The following KCTD16 variants were observed in gnomAD, a reference collection of about 807,000 sequenced individuals.
The protein encoded by KCTD16 is BTB/POZ domain-containing protein KCTD16.
KCTD16 carries 13 observed loss-of-function variants against 33.2 expected under a neutral mutation model. The ratio of observed to expected loss-of-function variants is 0.39; its 90% CI spans 0.25 to 0.62. The LOEUF is 0.62. KCTD16 is among the 20% of genes least tolerant of loss of function. The pLI, the probability that KCTD16 is intolerant of heterozygous loss-of-function variation, is 0.50. For synonymous variants in KCTD16, 197 were observed against 195.3 expected, an observed-to-expected ratio of 1.01 and a Z score of -0.07; for missense variants, 441 against 525.1, an observed-to-expected ratio of 0.84 and a Z score of 1.57.
intron 3 of KCTD16, among the ~76,000 whole-genome samples, chr5:144,379,292 A>G (rs977111602): frequency 3.9e-5 from 6 of 152,188 alleles, no homozygotes; most frequent in Admixed American, 2.0e-4. Flanking sequence ...CTGTGTTTAC[A>G]CATTGGGTTA....
intron 2 of KCTD16, among the ~76,000 whole-genome samples, chr5:144,176,315 CAAAG>C (rs1391628435): frequency 1.4e-5 from 2 of 143,832 alleles, no homozygotes. Flanking sequence ...TATTTATTGG[CAAAG>C]AAAGAAAAAG....
At chr5:144,374,167 C>T (rs1363694321) in intron 3 of KCTD16, among the ~76,000 whole-genome samples, 5 of 152,126 alleles carry the variant, frequency 3.3e-5, no homozygotes, top group African/African-American at 9.7e-5. Context: ...AGAATTTGGA[C>T]GTCTTTGTGG....
chr5:144,265,445 C>T (rs889117162), intron 3 of KCTD16, among the ~76,000 whole-genome samples: 8 of 152,136 alleles, frequency 5.3e-5, no homozygotes, highest in Admixed American at 6.5e-5. Context: ...TGGAATAATA[C>T]GATCTCCTTG....
At chr5:144,200,598 G>A (rs1753025628) in intron 2 of KCTD16, among the ~76,000 whole-genome samples, 1 of 152,198 alleles carries the variant, frequency 6.6e-6, no homozygotes, top group Non-Finnish European at 1.5e-5. Context: ...AGGGGAGATG[G>A]TTTCATTTTA....
intron 3 of KCTD16, among the ~76,000 whole-genome samples, chr5:144,388,601 G>A (rs1173385350): frequency 6.6e-6 from 1 of 152,098 alleles, no homozygotes; most frequent in Admixed American, 6.5e-5. Flanking sequence ...TGTAATTTAT[G>A]CAGTCTTGGC....
intron 3 of KCTD16, among the ~76,000 whole-genome samples, chr5:144,387,293 A>C (rs1044156187): frequency 6.6e-6 from 1 of 152,086 alleles, no homozygotes; most frequent in Non-Finnish European, 1.5e-5. Context: ...ACTTTCATGT[A>C]TAGTGTCTTT....
chr5:144,189,113 A>G (rs770613570), intron 2 of KCTD16, among the ~76,000 whole-genome samples: 1 of 152,186 alleles, frequency 6.6e-6, no homozygotes, highest in Non-Finnish European at 1.5e-5. Flanking sequence ...ACTTAAATCT[A>G]CTGGAGTAGC....
intron 3 of KCTD16, among the ~76,000 whole-genome samples, chr5:144,209,838 AT>A (rs1753314882): frequency 6.8e-6 from 1 of 146,478 alleles, no homozygotes; most frequent in South Asian, 2.1e-4. Context: ...ATATATATAT[AT>A]TTATATGTGT....
intron 3 of KCTD16, among the ~76,000 whole-genome samples, chr5:144,449,340 A>C (rs556681228): frequency 2.0e-5 from 3 of 152,030 alleles, no homozygotes; most frequent in Non-Finnish European, 4.4e-5. Flanking sequence ...AGCTGTCTAC[A>C]GATTCAATAC....
chr5:144,444,308 G>T (rs73299625), intron 3 of KCTD16, among the ~76,000 whole-genome samples: 12,430 of 150,662 alleles, frequency 0.083, 1,689 homozygotes, highest in African/African-American at 0.28. Flanking sequence ...CTATATTACA[G>T]TTGGGTTCCT....
chr5:144,179,935 A>G (rs1318793096), intron 2 of KCTD16, among the ~76,000 whole-genome samples: 1 of 152,238 alleles, frequency 6.6e-6, no homozygotes, highest in African/African-American at 2.4e-5. Flanking sequence ...TAAGCTTGAC[A>G]TAGTTCTACT....
At chr5:144,243,706 C>A (rs1263809449) in intron 3 of KCTD16, among the ~76,000 whole-genome samples, 1 of 152,040 alleles carries the variant, frequency 6.6e-6, no homozygotes, top group East Asian at 1.9e-4. Flanking sequence ...GTCCAGATGA[C>A]TTGAAGAACT....
chr5:144,358,761 A>G (rs148149593), intron 3 of KCTD16, among the ~76,000 whole-genome samples: 3 of 152,322 alleles, frequency 2.0e-5, no homozygotes, highest in South Asian at 2.1e-4. Flanking sequence ...TGACTGGTTC[A>G]TAGAAGGCTG....
chr5:144,273,630 G>A (rs1755361853), intron 3 of KCTD16, among the ~76,000 whole-genome samples: 1 of 152,072 alleles, frequency 6.6e-6, no homozygotes, highest in Non-Finnish European at 1.5e-5. Context: ...ATACAACATA[G>A]ATGGAACTTA....
rs2127005970 is a variant in KCTD16, at chr5:144,478,662, CCTTA to C, written c.*4552_*4555del. 6.6e-6 allele frequency: 1 copy of C among 152,096 alleles called. No homozygotes were observed. Among genetic ancestry groups the C allele is most frequent in the Non-Finnish European group, 1.5e-5 (1 of 67,920 alleles). The allele number at this position is 152,096 out of a possible 1,614,324, so 9.4% of individuals were successfully genotyped here. On this transcript the variant is annotated 3_prime_UTR_variant, in exon 4 of 4. Transcript: ENST00000512467. ...AATTTTGATGAGGATTGTCTATAGA[CCTTA>C]CTTTGAAAAATTCTGCTGTTTAGGG... is the stretch of plus-strand genomic sequence containing the variant.
intron 3 of KCTD16, among the ~76,000 whole-genome samples, chr5:144,264,904 C>T (rs1438461481): frequency 2.6e-5 from 4 of 152,184 alleles, no homozygotes; most frequent in African/African-American, 7.2e-5. Flanking sequence ...ATTTAAGGCA[C>T]ATGTTTACTA....
chr5:144,197,284 G>A (rs1561525548), intron 2 of KCTD16, among the ~76,000 whole-genome samples: 1 of 152,024 alleles, frequency 6.6e-6, no homozygotes, highest in African/African-American at 2.4e-5. Context: ...TTTAAATTCT[G>A]GAACATAAAC....
chr5:144,376,549 A>G (rs1752097792), intron 3 of KCTD16, among the ~76,000 whole-genome samples: 1 of 152,160 alleles, frequency 6.6e-6, no homozygotes, highest in African/African-American at 2.4e-5. Flanking sequence ...TGGAGGAGAG[A>G]ATTTTGGTTC....
At chr5:144,467,102 A>AT (rs1754364260) in intron 3 of KCTD16, among the ~76,000 whole-genome samples, 2 of 141,220 alleles carry the variant, frequency 1.4e-5, no homozygotes, top group South Asian at 2.1e-4. Context: ...TATTATATAT[A>AT]ATATATATAA....
Sources: allele counts gnomAD v4.1 joint callset (sites outside exome capture counted in the v4.1 genomes callset), GRCh38; gene constraint gnomAD v4.1.1; transcripts MANE v1.5; gene names NCBI Gene and HGNC (gene_info 2026-07-23, HGNC 2026-07-21).